Variants in GBP7 observed in about 807,000 individuals in gnomAD.
GBP7 encodes the protein guanylate binding protein 7.
In GBP7, 43 loss-of-function variants were observed where a neutral mutation model predicts 61.3. The observed-to-expected ratio is 0.70, with a 90% CI of 0.55 to 0.91. The LOEUF (loss-of-function observed/expected upper bound fraction) is 0.91, where lower values mean the gene tolerates loss of function less well. Among genes scored for constraint, GBP7 ranks in the 40% least tolerant of loss-of-function variants. The pLI is 0.00. For missense variants in GBP7, 717 were observed against 740.5 expected (o/e 0.97, Z 0.37); for synonymous variants, 267 against 271.0 (o/e 0.99, Z 0.14).
rs997666580 is a variant in GBP7 at position 89,147,728 on chromosome 1, A to G, written c.1204T>C (p.Ser402Pro). 5 of 1,614,090 alleles carry G rather than the reference A, an allele frequency of 3.1e-6. No individual in the cohort carries two copies. In the African/African-American group the frequency reaches 6.7e-5, roughly 22 times the overall value. The change falls in exon 8 of 11, where the codon TCT (serine) becomes CCT (proline). Residue 402 changes from serine to proline, a missense_variant. Ser to Pro is a moderately conservative substitution (Grantham distance 74, BLOSUM62 -1). Coordinates refer to ENST00000294671, the MANE Select transcript of GBP7 (RefSeq NM_207398.3). ...AGCTCAGCCTGACAATATTTGGCAG[A>G]TGCCTCTTCATTCTGCAGCACAAAG... ...EDFVLQNEEA[S>P]AKYCQAELKR... is the part of the protein sequence containing the mutation.
At chr1:89,164,258 C>T (rs1325444850) in intron 3 of GBP7, among the ~76,000 whole-genome samples, 1 of 152,228 alleles carries the variant, frequency 6.6e-6, no homozygotes, top group East Asian at 1.9e-4. Context: ...AAACCCCACA[C>T]ACCTTAACTA....
At chr1:89,156,907 C>T (rs1682329425) in intron 3 of GBP7, among the ~76,000 whole-genome samples, 1 of 152,214 alleles carries the variant, frequency 6.6e-6, no homozygotes, top group Non-Finnish European at 1.5e-5. Context: ...ATACATTCTT[C>T]TCAGCACCAC....
intron 3 of GBP7, 119 bp downstream of exon 3, chr1:89,164,612 G>T: frequency 9.7e-7 from 1 of 1,026,176 alleles, no homozygotes; most frequent in Non-Finnish European, 1.4e-6. Flanking sequence ...ATTTAGCTTT[G>T]TTTCCCATAA....
chr1:89,132,008 TA>T lies in GBP7; in HGVS notation c.*140del, dbSNP rs1393012728. The T allele has an allele frequency of 1.3e-5, 7 of 551,062 alleles. No individual in the cohort carries two copies. Among genetic ancestry groups the T allele is most frequent in the Middle Eastern group, 4.9e-4 (1 of 2,050 alleles). The allele number at this position is 551,062 out of a possible 1,614,324, so 34.1% of individuals were successfully genotyped here. A position where few individuals can be genotyped will look rare whatever the true frequency, so the allele number is the denominator to read the frequency against. On this transcript the variant is annotated 3_prime_UTR_variant, in exon 11 of 11. Coordinates refer to ENST00000294671, the MANE Select transcript of GBP7 (RefSeq NM_207398.3). ...TATTAATTATTACTTTAGTCAAAAT[TA>T]AGTTTGTTTTTATGAACTTCAGGCC...
intron 1 of GBP7, among the ~76,000 whole-genome samples, chr1:89,173,522 T>G (rs1313388320): frequency 6.6e-6 from 1 of 152,198 alleles, no homozygotes; most frequent in East Asian, 1.9e-4. Flanking sequence ...AAATTGATAA[T>G]AAGTCTGTGG....
At chr1:89,163,939 G>A (rs993543246) in intron 3 of GBP7, among the ~76,000 whole-genome samples, 3 of 151,576 alleles carry the variant, frequency 2.0e-5, no homozygotes, top group East Asian at 3.9e-4. Context: ...GCATGATCTC[G>A]GTTCAGTGCA....
chr1:89,147,833 T>C (rs1682104288), intron 7 of GBP7, 54 bp from the exon 8 acceptor site: 2 of 1,572,444 alleles, frequency 1.3e-6, no homozygotes, highest in African/African-American at 2.7e-5. Context: ...GAAGGGAAGG[T>C]CCAACTGTGA....
intron 3 of GBP7, among the ~76,000 whole-genome samples, chr1:89,160,295 G>A (rs992653851): frequency 6.6e-6 from 1 of 152,042 alleles, no homozygotes; most frequent in Non-Finnish European, 1.5e-5. Flanking sequence ...CACCAACATG[G>A]CACGTGTGTA....
At chr1:89,147,430 A>C in intron 8 of GBP7, 137 bp downstream of exon 8, 1 of 686,788 alleles carries the variant, frequency 1.5e-6, no homozygotes, top group Non-Finnish European at 2.6e-6. Flanking sequence ...GTGGATTTTA[A>C]GATTTAAAAT....
chr1:89,157,228 A>G (rs1016292138), intron 3 of GBP7, among the ~76,000 whole-genome samples: 5 of 152,214 alleles, frequency 3.3e-5, no homozygotes, highest in Non-Finnish European at 7.3e-5. Flanking sequence ...AATTTATACC[A>G]CTAAATGCCC....
In GBP7 at chr1:89,131,801, G is replaced by T; in HGVS notation, c.*348C>A. ...TAAACATTTTTATTATCATATTTTT[G>T]CCTGTTTAAAATATGTGGCGTTACT... On this transcript the variant is annotated 3_prime_UTR_variant, in exon 11 of 11. Coordinates refer to ENST00000294671, the MANE Select transcript of GBP7 (RefSeq NM_207398.3). 1 of 163,304 alleles carries T rather than the reference G, an allele frequency of 6.1e-6. No individual in the cohort carries two copies. The highest frequency in any genetic ancestry group is 1.3e-5 in the Non-Finnish European group (1 of 75,700). The allele number at this position is 163,304 out of a possible 1,614,324, so 10.1% of individuals were successfully genotyped here.
Position 89,137,205 on chromosome 1 carries a change from T to C in GBP7, c.1469-3754A>G, listed in dbSNP as rs569286854. 6.6e-5 allele frequency among the ~76,000 whole-genome samples: 10 copies of C among 152,102 alleles called. 1 individual carries two copies. The South Asian group carries it at 2.1e-3, about 32-fold the overall frequency. ...AAAAGCCCTAGACCAGACAGAGTCA[T>C]AGTCAGTTCTGCCATACATAGAAAG... On this transcript the variant is annotated intron_variant, in intron 9 of 10. Coordinates refer to ENST00000294671, the MANE Select transcript of GBP7 (RefSeq NM_207398.3).
intron 4 of GBP7, 77 bp from the exon 5 acceptor site, chr1:89,152,541 A>T: frequency 3.3e-6 from 5 of 1,521,748 alleles, no homozygotes; most frequent in Non-Finnish European, 4.5e-6. Context: ...TTTTATACAC[A>T]TTCCCTTTTG....
chr1:89,152,936 G>C (rs1284615535), intron 3 of GBP7, among the ~76,000 whole-genome samples, 159 bp from the exon 4 acceptor site: 3 of 152,166 alleles, frequency 2.0e-5, no homozygotes, highest in South Asian at 2.1e-4. Flanking sequence ...ATGCTTGCCA[G>C]CATGATTCAG....
chr1:89,162,096 T>C (rs971679320), intron 3 of GBP7, among the ~76,000 whole-genome samples: 5 of 152,054 alleles, frequency 3.3e-5, no homozygotes, highest in Admixed American at 2.6e-4. Context: ...TGTGCAGTCT[T>C]AAATTCTGGG....
intron 2 of GBP7, among the ~76,000 whole-genome samples, chr1:89,165,170 T>C (rs555347980): frequency 1.3e-5 from 2 of 152,220 alleles, no homozygotes; most frequent in South Asian, 4.1e-4. Context: ...GGAACTTCAG[T>C]GAAGTCTGAA....
Position 89,149,416 on chromosome 1 carries a change from C to T in GBP7, c.1028G>A (p.Arg343Lys). The change falls in exon 7 of 11, where the codon AGA (arginine) becomes AAA (lysine). Residue 343 changes from arginine (R) to lysine (K), a missense_variant. Around this residue, in one of 3 missense-constraint regions of GBP7, gnomAD observed 18 missense variants for 45.2 expected, o/e 0.40. Coordinates refer to ENST00000294671, the MANE Select transcript of GBP7 (RefSeq NM_207398.3). Reference sequence around the variant, plus strand: ...CTCCTGGAGTGTGTCTGTGGGGAATCTCACTTGCTGGGCCATCTGCTGGCT... The same window carrying T: ...CTCCTGGAGTGTGTCTGTGGGGAATTTCACTTGCTGGGCCATCTGCTGGCT... Reference protein sequence around the residue: ...HYSQQMAQQVRFPTDTLQELL... With the variant: ...HYSQQMAQQVKFPTDTLQELL... 2.5e-6 allele frequency: 4 copies of T among 1,614,180 alleles called. No individual in the cohort carries two copies. Among genetic ancestry groups the T allele is most frequent in the Non-Finnish European group, 3.4e-6 (4 of 1,180,032 alleles).
intron 3 of GBP7, among the ~76,000 whole-genome samples, chr1:89,155,006 G>A (rs560475556): frequency 2.0e-5 from 3 of 152,210 alleles, no homozygotes; most frequent in South Asian, 4.1e-4. Context: ...CAAAGCTTCC[G>A]GAGGAAGGAT....
At chr1:89,134,210 G>GA (rs1681742631) in intron 9 of GBP7, among the ~76,000 whole-genome samples, 1 of 152,158 alleles carries the variant, frequency 6.6e-6, no homozygotes, top group Admixed American at 6.5e-5. Flanking sequence ...TCACACCAGT[G>GA]TGCACTCAAT....
Sources: allele counts gnomAD v4.1 joint callset (sites outside exome capture counted in the v4.1 genomes callset), GRCh38; gene constraint gnomAD v4.1.1; regional missense constraint gnomAD v4.1.1; transcripts MANE v1.5; gene names NCBI Gene and HGNC (gene_info 2026-07-23, HGNC 2026-07-21).